ST3GAL2: variants seen among roughly 807,000 people sequenced by gnomAD.
ST3GAL2 encodes ST3 beta-galactoside alpha-2,3-sialyltransferase 2.
A neutral mutation model predicts 37.5 loss-of-function variants in ST3GAL2; 16 were observed. The ratio of observed to expected loss-of-function variants is 0.43; its 90% CI spans 0.29 to 0.65. The LOEUF (loss-of-function observed/expected upper bound fraction) is 0.65, where lower values mean the gene tolerates loss of function less well. Among genes scored for constraint, ST3GAL2 ranks in the 30% least tolerant of loss-of-function variants. The probability of loss-of-function intolerance (pLI) is 0.17; values close to 1 mark genes in which losing one functional copy is unlikely to be tolerated. For missense variants in ST3GAL2, 383 were observed against 487.8 expected (o/e 0.79, Z 2.02); for synonymous variants, 238 against 202.9 (o/e 1.17, Z -1.47).
At chr16:70,421,273 G>A (rs1245432766) in intron 1 of ST3GAL2, among the ~76,000 whole-genome samples, 1 of 152,236 alleles carries the variant, frequency 6.6e-6, no homozygotes, top group Non-Finnish European at 1.5e-5. Flanking sequence ...ACCACCTCTG[G>A]AAAGTGGCAA....
At position 70,410,311 on chromosome 16, in the gene ST3GAL2, C is replaced by A. The variant is rs1214482348; in HGVS notation, c.-1003-10778G>T. ...TGTCACCCAGGCTGGAGTGCAGTGG[C>A]TTGATCTCGGCTCACTGCAAGCTCT... On this transcript the variant is annotated intron_variant, in intron 1 of 6. Transcript: ENST00000342907. 2.6e-5 allele frequency among the ~76,000 whole-genome samples: 3 copies of A among 115,748 alleles called. No homozygotes were observed. In the Admixed American group the frequency reaches 3.6e-4, roughly 14 times the overall value. The allele number at this position is 115,748 out of a possible 152,430, so 75.9% of individuals were successfully genotyped here.
intron 1 of ST3GAL2, among the ~76,000 whole-genome samples, chr16:70,433,339 A>G (rs1341962272): frequency 6.6e-6 from 1 of 151,934 alleles, no homozygotes; most frequent in African/African-American, 2.4e-5. Context: ...CCCTGCTGCC[A>G]GTTTGCCCTC....
intron 1 of ST3GAL2, among the ~76,000 whole-genome samples, chr16:70,408,625 C>G (rs1370151474): frequency 6.6e-6 from 1 of 151,942 alleles, no homozygotes; most frequent in Non-Finnish European, 1.5e-5. Context: ...TCCGCAGCAC[C>G]AAACCCTCGG....
chr16:70,381,896 C>T (rs746914218), intron 6 of ST3GAL2, 34 bp from the exon 7 acceptor site: 9 of 1,609,756 alleles, frequency 5.6e-6, no homozygotes, highest in Non-Finnish European at 7.6e-6. Context: ...TCACCCCAGG[C>T]GGGGACCTGG....
At chr16:70,407,075 G>A (rs111826858) in intron 1 of ST3GAL2, among the ~76,000 whole-genome samples, 3 of 152,076 alleles carry the variant, frequency 2.0e-5, no homozygotes, top group African/African-American at 4.8e-5. Flanking sequence ...GAGACCAGAT[G>A]TGAAATAGTC....
intron 3 of ST3GAL2, among the ~76,000 whole-genome samples, chr16:70,391,780 C>G (rs1597558623): frequency 6.6e-6 from 1 of 152,182 alleles, no homozygotes; most frequent in South Asian, 2.1e-4. Flanking sequence ...TTTTTCTTCT[C>G]CTTTTTTAAA....
rs527294418 is a variant in ST3GAL2 at position 70,398,133 on chromosome 16, G to A, written c.339+59C>T. The stretch of plus-strand genomic sequence containing the variant: ...TCTGGGGGCCAGAAATCCAAGAGGG[G>A]GCTCTGAGTGGCTCTAAAACTGGGG... On this transcript the variant is annotated intron_variant, in intron 2 of 6. Coordinates refer to ENST00000342907, the MANE Select transcript of ST3GAL2 (RefSeq NM_006927.4). 91 of 1,550,464 alleles carry A rather than the reference G, an allele frequency of 5.9e-5. No individual in the cohort carries two copies. In the African/African-American group the frequency reaches 1.1e-3, roughly 19 times the overall value.
intron 3 of ST3GAL2, among the ~76,000 whole-genome samples, chr16:70,390,659 C>A (rs1366123672): frequency 6.6e-6 from 1 of 152,146 alleles, no homozygotes; most frequent in Non-Finnish European, 1.5e-5. Context: ...TGCAATGTCC[C>A]CTCTCTCCTG....
rs977769984 is a variant in ST3GAL2, at chr16:70,378,499, T to C, written c.*3190A>G. 4 of 130,328 alleles carry C rather than the reference T, an allele frequency of 3.1e-5. No individual in the cohort carries two copies. The highest frequency in any genetic ancestry group is 9.0e-5 in the African/African-American group (3 of 33,366). 8.1% of individuals were successfully genotyped at this position (130,328 alleles called of 1,614,324 possible). ...GCGGGGAGATCACGAGGTCAGGAGA[T>C]GGAGACCATCCTGGCTAACAGTGAA... On this transcript the variant is annotated 3_prime_UTR_variant, in exon 7 of 7. Transcript: ENST00000342907.
intron 1 of ST3GAL2, among the ~76,000 whole-genome samples, chr16:70,432,377 C>T (rs1320740092): frequency 6.6e-6 from 1 of 152,076 alleles, no homozygotes. Context: ...CCACCCAAGA[C>T]AACTCTGTTC....
Position 70,376,272 on chromosome 16 carries a change from A to G in ST3GAL2, c.*5417T>C, listed in dbSNP as rs1369479087. The G allele has an allele frequency of 6.6e-6, 1 of 152,268 alleles. No homozygotes were observed. The highest frequency in any genetic ancestry group is 1.5e-5 in the Non-Finnish European group (1 of 68,050). The allele number at this position is 152,268 out of a possible 1,614,324, so 9.4% of individuals were successfully genotyped here. On this transcript the variant is annotated 3_prime_UTR_variant, in exon 7 of 7. Coordinates refer to ENST00000342907, the MANE Select transcript of ST3GAL2 (RefSeq NM_006927.4). The stretch of plus-strand genomic sequence containing the variant: ...TGAATTATTTTTGTAATTTTAAAAA[A>G]GGAAAGGCAAAGTCATTTTATAGCA...
At chr16:70,425,325 G>C (rs1343888604) in intron 1 of ST3GAL2, among the ~76,000 whole-genome samples, 1 of 152,180 alleles carries the variant, frequency 6.6e-6, no homozygotes, top group Non-Finnish European at 1.5e-5. Context: ...AGCTGGGCGT[G>C]GTGATGTGCG....
intron 1 of ST3GAL2, among the ~76,000 whole-genome samples, chr16:70,410,550 G>A (rs1378657583): frequency 6.6e-6 from 1 of 151,742 alleles, no homozygotes; most frequent in Non-Finnish European, 1.5e-5. Context: ...AACACGCCCG[G>A]CCAACCCTCA....
intron 1 of ST3GAL2, among the ~76,000 whole-genome samples, chr16:70,412,140 G>A (rs1312212559): frequency 6.6e-6 from 1 of 152,086 alleles, no homozygotes; most frequent in South Asian, 2.1e-4. Flanking sequence ...TTCAGCAAAG[G>A]TCTGTAGGTG....
intron 1 of ST3GAL2, among the ~76,000 whole-genome samples, chr16:70,433,640 C>T (rs921465645): frequency 3.3e-5 from 5 of 152,134 alleles, no homozygotes; most frequent in Admixed American, 2.6e-4. Flanking sequence ...ACAGCTGGAG[C>T]AGATGCATCC....
At chr16:70,434,444 A>C (rs1050075515) in intron 1 of ST3GAL2, among the ~76,000 whole-genome samples, 8 of 152,040 alleles carry the variant, frequency 5.3e-5, no homozygotes, top group Non-Finnish European at 7.4e-5. Context: ...TCAAAAACAA[A>C]AAAAAAAAAA....
chr16:70,426,909 G>A (rs934686193), intron 1 of ST3GAL2, among the ~76,000 whole-genome samples: 2 of 151,960 alleles, frequency 1.3e-5, no homozygotes, highest in African/African-American at 2.4e-5. Context: ...GTGCAGTGGC[G>A]CAAAAATGGT....
intron 4 of ST3GAL2, 40 bp downstream of exon 4, chr16:70,388,327 C>T: frequency 6.2e-7 from 1 of 1,612,728 alleles, no homozygotes; most frequent in Non-Finnish European, 8.5e-7. Flanking sequence ...CCAAGATGGT[C>T]CTGTCACCCA....
At chr16:70,430,412 C>T (rs2047781367) in intron 1 of ST3GAL2, among the ~76,000 whole-genome samples, 1 of 152,232 alleles carries the variant, frequency 6.6e-6, no homozygotes, top group Non-Finnish European at 1.5e-5. Flanking sequence ...TGAGGAAAAT[C>T]CTTCATCAAA....
Sources: allele counts gnomAD v4.1 joint callset (sites outside exome capture counted in the v4.1 genomes callset), GRCh38; gene constraint gnomAD v4.1.1; transcripts MANE v1.5; gene names NCBI Gene and HGNC (gene_info 2026-07-23, HGNC 2026-07-21).